Variants in WWOX observed in about 807,000 individuals in gnomAD.
The protein encoded by WWOX is WW domain-containing oxidoreductase.
WWOX carries 69 observed loss-of-function variants against 46.2 expected under a neutral mutation model. The observed-to-expected ratio is 1.49, with a 90% CI of 1.23 to 1.82. The LOEUF is 1.82. Ranked by LOEUF, WWOX falls within the 40% of genes most tolerant of loss-of-function variation. The pLI is 0.00. For synonymous variants in WWOX, 359 were observed against 202.6 expected (o/e 1.77, Z -6.56); for missense variants, 919 against 542.6 (o/e 1.69, Z -6.89).
At chr16:78,813,737 C>T (rs770588761) in intron 8 of WWOX, among the ~76,000 whole-genome samples, 8 of 152,094 alleles carry the variant, frequency 5.3e-5, no homozygotes, top group Non-Finnish European at 1.0e-4. Flanking sequence ...TTCTCTTTGT[C>T]GCCGTTAATT....
intron 8 of WWOX, among the ~76,000 whole-genome samples, chr16:78,662,562 A>G (rs7194354): frequency 0.044 from 6,686 of 152,206 alleles, 509 homozygotes; most frequent in African/African-American, 0.15. Context: ...GAGGAAGGCA[A>G]TGTGAGAAAA....
At chr16:79,006,444 G>A (rs988230621) in intron 8 of WWOX, among the ~76,000 whole-genome samples, 4 of 152,102 alleles carry the variant, frequency 2.6e-5, no homozygotes, top group African/African-American at 7.2e-5. Context: ...TTAGAGTTTC[G>A]GTTTCTAAGC....
chr16:78,479,371 G>T lies in WWOX; in HGVS notation c.1056+46619G>T, dbSNP rs148733649. ...TTGATAGAAGCAAAGACCTAACTCA[G>T]CCTGAGAGGAGGTTGGGTTTAGAGA... On this transcript the variant is annotated intron_variant, in intron 8 of 8. Coordinates refer to ENST00000566780, the MANE Select transcript of WWOX (RefSeq NM_016373.4). Among the ~76,000 whole-genome samples, 84 of 152,334 alleles carry T rather than the reference G, an allele frequency of 5.5e-4. 1 individual carries two copies. Among genetic ancestry groups the T allele is most frequent in the African/African-American group, 1.9e-3 (78 of 41,586 alleles).
At chr16:79,204,770 G>C (rs1293913448) in intron 8 of WWOX, 7 of 152,138 alleles carry the variant, frequency 4.6e-5, no homozygotes, top group Non-Finnish European at 1.0e-4. Context: ...GGGTGGTTGG[G>C]ACTGGCTGCC....
chr16:78,950,323 A>G (rs2046033222), intron 8 of WWOX, among the ~76,000 whole-genome samples: 1 of 152,018 alleles, frequency 6.6e-6, no homozygotes, highest in African/African-American at 2.4e-5. Flanking sequence ...TTCCTTGAGG[A>G]GAAAGGAAAG....
chr16:78,586,322 G>C (rs1279030565), intron 8 of WWOX, among the ~76,000 whole-genome samples: 3 of 152,144 alleles, frequency 2.0e-5, no homozygotes, highest in African/African-American at 7.2e-5. Flanking sequence ...TTGGTGCCAG[G>C]ACGCCATGAA....
intron 8 of WWOX, chr16:78,898,154 G>A (rs991750228): frequency 2.0e-5 from 3 of 151,760 alleles, no homozygotes; most frequent in Non-Finnish European, 2.9e-5. Flanking sequence ...TATAAATACT[G>A]ATAGTGTCCA....
intron 8 of WWOX, among the ~76,000 whole-genome samples, chr16:78,726,831 T>C (rs1265942225): frequency 1.3e-5 from 2 of 152,108 alleles, no homozygotes; most frequent in African/African-American, 4.8e-5. Flanking sequence ...AATAGGAGGC[T>C]TTCAGTTTCT....
chr16:78,100,589 A>G (rs758869821), intron 1 of WWOX, among the ~76,000 whole-genome samples: 7 of 152,206 alleles, frequency 4.6e-5, no homozygotes, highest in Non-Finnish European at 7.3e-5. Flanking sequence ...TAGCTTCACT[A>G]TCATTTCCTG....
chr16:78,422,374 A>T (rs186290771), intron 6 of WWOX, among the ~76,000 whole-genome samples: 5 of 151,724 alleles, frequency 3.3e-5, no homozygotes, highest in Non-Finnish European at 7.4e-5. Context: ...TTGATTTGGA[A>T]ACAGAGTCTT....
intron 5 of WWOX, among the ~76,000 whole-genome samples, chr16:78,352,497 A>T (rs1318919182): frequency 1.3e-5 from 2 of 152,144 alleles, no homozygotes; most frequent in Non-Finnish European, 2.9e-5. Flanking sequence ...CTATCTTCAA[A>T]GCCAGGGATG....
chr16:79,022,075 C>G (rs1002987000), intron 8 of WWOX, among the ~76,000 whole-genome samples: 19 of 152,168 alleles, frequency 1.2e-4, no homozygotes, highest in African/African-American at 4.6e-4. Context: ...GATGGGGATG[C>G]CAAGTACCCT....
chr16:78,173,546 C>T (rs56262150), intron 5 of WWOX, among the ~76,000 whole-genome samples: 5 of 151,988 alleles, frequency 3.3e-5, no homozygotes, highest in African/African-American at 4.8e-5. Context: ...GATCCTCCTG[C>T]CTGGGTCTCC....
chr16:78,997,149 G>C (rs191291556), intron 8 of WWOX, among the ~76,000 whole-genome samples: 1 of 151,838 alleles, frequency 6.6e-6, no homozygotes, highest in African/African-American at 2.4e-5. Context: ...TGTGTGCCTG[G>C]TGAGGGGGGT....
intron 8 of WWOX, among the ~76,000 whole-genome samples, chr16:78,558,144 C>T (rs1400867804): frequency 3.9e-5 from 6 of 152,156 alleles, no homozygotes; most frequent in Admixed American, 2.0e-4. Context: ...CACTCCTGGG[C>T]AGCAGCTGCC....
At chr16:78,467,812 A>C (rs2084116474) in intron 8 of WWOX, among the ~76,000 whole-genome samples, 1 of 152,228 alleles carries the variant, frequency 6.6e-6, no homozygotes, top group African/African-American at 2.4e-5. Flanking sequence ...ATTTGGAAGA[A>C]CATACTTCAT....
At chr16:78,960,479 G>T (rs866268625) in intron 8 of WWOX, among the ~76,000 whole-genome samples, 1 of 152,134 alleles carries the variant, frequency 6.6e-6, no homozygotes, top group Non-Finnish European at 1.5e-5. Context: ...ATTTGCTTTA[G>T]CTTAAATCTA....
chr16:78,957,395 G>A (rs1326270376), intron 8 of WWOX, among the ~76,000 whole-genome samples: 1 of 152,172 alleles, frequency 6.6e-6, no homozygotes, highest in Non-Finnish European at 1.5e-5. Context: ...CTCTTTAGTT[G>A]TAAAAACACC....
At chr16:79,211,016 T>G (rs1223643404) in intron 8 of WWOX, among the ~76,000 whole-genome samples, 1 of 131,398 alleles carries the variant, frequency 7.6e-6, no homozygotes, top group Admixed American at 7.7e-5. Flanking sequence ...TTGTGCTAAG[T>G]ATGAATGTAT....
Sources: gnomAD v4.1 joint callset for allele counts (sites outside exome capture counted in the v4.1 genomes callset) on GRCh38, gnomAD v4.1.1 for gene constraint, MANE v1.5 for transcripts, NCBI Gene and HGNC (gene_info 2026-07-23, HGNC 2026-07-21) for gene names.